Variants in EGFLAM observed in about 807,000 individuals in gnomAD.
EGFLAM encodes the protein EGF like, fibronectin type III and laminin G domains.
A neutral mutation model predicts 113.1 loss-of-function variants in EGFLAM; 79 were observed. That is an observed-to-expected ratio of 0.70 (90% CI 0.58 to 0.84). The LOEUF is 0.84. Ranked by LOEUF, EGFLAM falls within the 40% of genes least tolerant of loss-of-function variation. The pLI, the probability that EGFLAM is intolerant of heterozygous loss-of-function variation, is 0.00. For missense variants in EGFLAM, 1,265 were observed against 1,291.6 expected, an observed-to-expected ratio of 0.98 and a Z score of 0.32; for synonymous variants, 504 against 487.6, an observed-to-expected ratio of 1.03 and a Z score of -0.44.
At chr5:38,288,032 G>A (rs559149848) in intron 1 of EGFLAM, among the ~76,000 whole-genome samples, 24 of 152,136 alleles carry the variant, frequency 1.6e-4, no homozygotes, top group African/African-American at 5.6e-4. Context: ...TACTTAGTTT[G>A]TAATTTAACT....
chr5:38,289,879 T>A (rs1386738492), intron 1 of EGFLAM, among the ~76,000 whole-genome samples: 3 of 152,200 alleles, frequency 2.0e-5, no homozygotes, highest in Non-Finnish European at 4.4e-5. Context: ...TTTTGGCAGT[T>A]CCCACTATCA....
chr5:38,328,731 T>C (rs375852380), intron 1 of EGFLAM, among the ~76,000 whole-genome samples: 1 of 144,646 alleles, frequency 6.9e-6, no homozygotes, highest in Non-Finnish European at 1.6e-5. Context: ...TTGTTTTTTT[T>C]TTTTTTTTTT....
chr5:38,422,244 C>T (rs142404874), intron 12 of EGFLAM, among the ~76,000 whole-genome samples: 12 of 152,284 alleles, frequency 7.9e-5, no homozygotes, highest in Non-Finnish European at 1.8e-4. Flanking sequence ...ATGGTAGGCG[C>T]TGGTGAAAGT....
rs551004431 is a variant in EGFLAM, at chr5:38,461,961, C to T, written c.2772-947C>T. On this transcript the variant is annotated intron_variant, in intron 20 of 21. Coordinates refer to ENST00000322350, the MANE Select transcript of EGFLAM (RefSeq NM_152403.4). ...AGGGCGGATCACTAGGTCAGGAGAT[C>T]GAGACCATCCTGGCTAACGTGGTGA... 1.4e-4 allele frequency among the ~76,000 whole-genome samples: 22 copies of T among 152,028 alleles called. No individual in the cohort carries two copies. The South Asian group carries it at 1.7e-3, about 12-fold the overall frequency.
chr5:38,463,799 G>A (rs1743370706), intron 21 of EGFLAM, 33 bp from the exon 22 acceptor site: 2 of 1,607,656 alleles, frequency 1.2e-6, no homozygotes, highest in Non-Finnish European at 1.7e-6. Flanking sequence ...CCTGTCCTTT[G>A]GCTCACCTCA....
intron 1 of EGFLAM, among the ~76,000 whole-genome samples, chr5:38,262,685 G>A (rs915689743): frequency 6.6e-6 from 1 of 152,216 alleles, no homozygotes; most frequent in African/African-American, 2.4e-5. Context: ...GAGTAGTGGT[G>A]CGTTGGATGG....
At chr5:38,433,446 C>G (rs1284120442) in intron 15 of EGFLAM, among the ~76,000 whole-genome samples, 2 of 152,184 alleles carry the variant, frequency 1.3e-5, no homozygotes, top group African/African-American at 2.4e-5. Flanking sequence ...ACACAAAACC[C>G]CTCACTGCAG....
rs369523285 is a variant in EGFLAM at position 38,425,009 on chromosome 5, A to C, written c.1727A>C (p.His576Pro). The part of the protein sequence containing the change: ...SGICDEASCI[H>P]GGTCTAIKAD... ...ATCTGTGATGAGGCCTCGTGCATCC[A>C]TGGTGGCACCTGCACAGCAATCAAA... Residue 576 changes from histidine to proline, a missense_variant, in exon 13 of 22, where the codon CAT becomes CCT. Coordinates refer to ENST00000322350, the MANE Select transcript of EGFLAM (RefSeq NM_152403.4). 2.6e-5 allele frequency: 42 copies of C among 1,613,990 alleles called. No homozygotes were observed. Among genetic ancestry groups the C allele is most frequent in the Non-Finnish European group, 3.6e-5 (42 of 1,180,010 alleles).
rs772771084 is a variant in EGFLAM at position 38,274,979 on chromosome 5, G to T, written c.97+16128G>T. ...AGGGGTAGTGAAGTTAAAGTGTAGAGATTTTTTTTTCCAATCAAAGTTAAG... is the reference window on the plus strand; with the variant it reads ...AGGGGTAGTGAAGTTAAAGTGTAGATATTTTTTTTTCCAATCAAAGTTAAG... On this transcript the variant is annotated intron_variant, in intron 1 of 21. Transcript: ENST00000322350. 1.4e-3 allele frequency among the ~76,000 whole-genome samples: 196 copies of T among 142,114 alleles called. 3 individuals are homozygous for T. Among genetic ancestry groups the T allele is most frequent in the Middle Eastern group, 7.0e-3 (2 of 286 alleles). 93.2% of individuals were successfully genotyped at this position (142,114 alleles called of 152,430 possible).
At chr5:38,456,218 T>C (rs1438457546) in intron 19 of EGFLAM, among the ~76,000 whole-genome samples, 1 of 152,152 alleles carries the variant, frequency 6.6e-6, no homozygotes, top group Admixed American at 6.5e-5. Flanking sequence ...CTAGGATTCT[T>C]CAGGGAAGGG....
chr5:38,382,578 G>C (rs189291289), intron 6 of EGFLAM, among the ~76,000 whole-genome samples: 1 of 152,138 alleles, frequency 6.6e-6, no homozygotes, highest in Non-Finnish European at 1.5e-5. Flanking sequence ...ATCAGCAAGT[G>C]GATGGTATTC....
intron 1 of EGFLAM, among the ~76,000 whole-genome samples, chr5:38,270,494 A>G (rs1416107484): frequency 8.1e-6 from 1 of 123,466 alleles, no homozygotes; most frequent in East Asian, 2.1e-4. Flanking sequence ...AGTTTGGAAA[A>G]AAAAAAACAA....
chr5:38,307,953 C>T (rs775072913), intron 1 of EGFLAM, among the ~76,000 whole-genome samples: 1 of 152,198 alleles, frequency 6.6e-6, no homozygotes, highest in African/African-American at 2.4e-5. Context: ...CTGGTATGCT[C>T]TGACTCTTGG....
Position 38,427,257 on chromosome 5 carries a change from G to A in EGFLAM, c.2054+5G>A, listed in dbSNP as rs1459653895. 1.9e-6 allele frequency: 3 copies of A among 1,611,646 alleles called. No homozygotes were observed. Among genetic ancestry groups the A allele is most frequent in the African/African-American group, 2.7e-5 (2 of 74,748 alleles). Reference sequence around the variant, plus strand: ...CTCTGGGACCGGTGTCCTCAGGTGAGGGCTGAAAACTTCTGGGACTCTTTC... The same window carrying A: ...CTCTGGGACCGGTGTCCTCAGGTGAAGGCTGAAAACTTCTGGGACTCTTTC... On this transcript the variant is annotated splice_donor_5th_base_variant and intron_variant, in intron 14 of 21. Transcript: ENST00000322350.
intron 15 of EGFLAM, among the ~76,000 whole-genome samples, chr5:38,432,106 A>G (rs1473952909): frequency 6.6e-6 from 1 of 152,190 alleles, no homozygotes; most frequent in East Asian, 1.9e-4. Context: ...GCGAACACAC[A>G]CACAATTTAT....
rs182123781 is a variant in EGFLAM, at chr5:38,462,391, C to T, written c.2772-517C>T. Among the ~76,000 whole-genome samples, 14 of 152,284 alleles carry T rather than the reference C, an allele frequency of 9.2e-5. No homozygotes were observed. The East Asian group carries it at 2.1e-3, about 23-fold the overall frequency. On this transcript the variant is annotated intron_variant, in intron 20 of 21. Transcript: ENST00000322350. ...GGATAAATTCTCAACTCCTTACAAG[C>T]GGTTGACCGTTTGCTTGGGGCTTCA...
At chr5:38,363,819 CA>C (rs1739989683) in intron 5 of EGFLAM, among the ~76,000 whole-genome samples, 1 of 152,158 alleles carries the variant, frequency 6.6e-6, no homozygotes, top group Admixed American at 6.5e-5. Context: ...TGTCTTAGAT[CA>C]GGGGTTGCTA....
intron 4 of EGFLAM, 37 bp from the exon 5 acceptor site, chr5:38,352,143 TCCAACGGCTGAGACCA>T: frequency 3.7e-6 from 6 of 1,611,330 alleles, no homozygotes; most frequent in Non-Finnish European, 5.1e-6. Flanking sequence ...ATTAAACCTC[TCCAACGGCTGAGACCA>T]CCAGCCTAGT....
chr5:38,376,529 G>A (rs912384939), intron 6 of EGFLAM, among the ~76,000 whole-genome samples: 1 of 152,146 alleles, frequency 6.6e-6, no homozygotes, highest in African/African-American at 2.4e-5. Context: ...TACTGTTTCT[G>A]TTCCTAGCAA....
Sources: gnomAD v4.1 joint callset for allele counts (sites outside exome capture counted in the v4.1 genomes callset) on GRCh38, gnomAD v4.1.1 for gene constraint, MANE v1.5 for transcripts, NCBI Gene and HGNC (gene_info 2026-07-23, HGNC 2026-07-21) for gene names.